The following AARS1 variants were observed in gnomAD, a reference collection of about 807,000 sequenced individuals.
AARS1 encodes alanyl-tRNA synthetase 1.
AARS1 carries 72 observed loss-of-function variants against 108.9 expected under a neutral mutation model. The ratio of observed to expected loss-of-function variants is 0.66; its 90% CI spans 0.55 to 0.80. The LOEUF is 0.80. Among genes scored for constraint, AARS1 ranks in the 30% least tolerant of loss-of-function variants. AARS1 has a pLI of 0.00. For synonymous variants in AARS1, 489 were observed against 465.7 expected (o/e 1.05, Z -0.64); for missense variants, 1,193 against 1,233.2 (o/e 0.97, Z 0.49).
At chr16:70,273,819 C>T (rs1396588387) in intron 4 of AARS1, among the ~76,000 whole-genome samples, 2 of 146,424 alleles carry the variant, frequency 1.4e-5, no homozygotes, top group African/African-American at 2.5e-5. Flanking sequence ...GCCAAGATCG[C>T]GCCACTGCAC....
chr16:70,254,386 C>G (rs1252390167), intron 17 of AARS1: 1 of 593,872 alleles, frequency 1.7e-6, no homozygotes, highest in Non-Finnish European at 3.0e-6. Flanking sequence ...CCCCAGTGCC[C>G]ATACATGCTT....
chr16:70,255,922 G>T, intron 15 of AARS1, 86 bp from the exon 16 acceptor site: 5 of 1,268,320 alleles, frequency 3.9e-6, no homozygotes, highest in Non-Finnish European at 5.6e-6. Context: ...AGAGAAGCAG[G>T]AATGGGTTGA....
intron 10 of AARS1, 199 bp downstream of exon 10, chr16:70,265,339 T>C: frequency 1.0e-6 from 1 of 988,614 alleles, no homozygotes; most frequent in East Asian, 2.5e-5. Context: ...CTGCCCCTAG[T>C]TGTGAAAATC....
chr16:70,288,702 G>A (rs60853195), intron 1 of AARS1, among the ~76,000 whole-genome samples: 4 of 151,788 alleles, frequency 2.6e-5, no homozygotes, highest in Admixed American at 2.6e-4. Context: ...GAGTGGCTGA[G>A]AGTACAGGCG....
At position 70,287,924 on chromosome 16, in the gene AARS1, C is replaced by G. The variant is rs541171486; in HGVS notation, c.-22+1497G>C. Among the ~76,000 whole-genome samples, 3 of 151,438 alleles carry G rather than the reference C, an allele frequency of 2.0e-5. No individual in the cohort carries two copies. In the South Asian group the frequency reaches 6.3e-4, roughly 32 times the overall value. On this transcript the variant is annotated intron_variant, in intron 1 of 20. Coordinates refer to ENST00000261772, the MANE Select transcript of AARS1 (RefSeq NM_001605.3). Reference sequence around the variant, plus strand: ...GGGAATACAGGCATGTGCCACCACACCTAGCTAATTTTGTATTTTTAGTAG... The same window carrying G: ...GGGAATACAGGCATGTGCCACCACAGCTAGCTAATTTTGTATTTTTAGTAG...
intron 1 of AARS1, among the ~76,000 whole-genome samples, chr16:70,284,333 TGGCTCACGCCTG>T (rs1409206288): frequency 6.8e-6 from 1 of 147,758 alleles, no homozygotes; most frequent in Non-Finnish European, 1.5e-5. Context: ...CCGGGCGCGG[TGGCTCACGCCTG>T]TAATCCCAGC....
rs202217812 is a variant in AARS1 at position 70,270,356 on chromosome 16, G to A, written c.672-16C>T. On this transcript the variant is annotated splice_polypyrimidine_tract_variant and intron_variant, in intron 5 of 20. Transcript: ENST00000261772. ...ATCAGCTTCCCTGTATGATCCAGAA[G>A]AAGAGGAGGTTGAAGCAGAGACTCA... The A allele has an allele frequency of 6.2e-7, 1 of 1,614,148 alleles. No homozygotes were observed.
intron 15 of AARS1, 26 bp downstream of exon 15, chr16:70,258,007 C>T: frequency 1.2e-6 from 2 of 1,613,694 alleles, no homozygotes; most frequent in Non-Finnish European, 1.7e-6. Context: ...GATGACCTGT[C>T]TACTCTGCCC....
chr16:70,289,467 C>G lies in AARS1; in HGVS notation c.-68G>C. ...CAGCTCCTCCCTCAGAGTCCCCCGC[C>G]AAGGGCCCGCTGCACCTATTCCCGC... On this transcript the variant is annotated 5_prime_UTR_variant, in exon 1 of 21. Coordinates refer to ENST00000261772, the MANE Select transcript of AARS1 (RefSeq NM_001605.3). 2.3e-6 allele frequency: 1 copy of G among 426,472 alleles called. No homozygotes were observed. The highest frequency in any genetic ancestry group is 1.7e-5 in the South Asian group (1 of 59,476). The allele number at this position is 426,472 out of a possible 1,614,324, so 26.4% of individuals were successfully genotyped here. A position where few individuals can be genotyped will look rare whatever the true frequency, so the allele number is the denominator to read the frequency against.
At chr16:70,285,236 A>G (rs142038964) in intron 1 of AARS1, among the ~76,000 whole-genome samples, 11 of 152,208 alleles carry the variant, frequency 7.2e-5, no homozygotes, top group African/African-American at 1.4e-4. Context: ...CTAAAAAAAA[A>G]AAAAAAGGAA....
intron 1 of AARS1, among the ~76,000 whole-genome samples, chr16:70,287,404 G>A (rs1245448496): frequency 6.6e-6 from 1 of 151,122 alleles, no homozygotes; most frequent in Non-Finnish European, 1.5e-5. Context: ...CTCCAGCCTG[G>A]GTGACAAAGC....
At chr16:70,255,193 C>CTTTTTTTTTTT (rs1567601605) in intron 16 of AARS1, among the ~76,000 whole-genome samples, 2 of 124,738 alleles carry the variant, frequency 1.6e-5, no homozygotes, top group African/African-American at 6.4e-5. Flanking sequence ...GCCAGATTCA[C>CTTTTTTTTTTT]ATTTTTTTTT....
intron 19 of AARS1, 164 bp from the exon 20 acceptor site, chr16:70,253,545 A>C: frequency 9.8e-7 from 1 of 1,025,380 alleles, no homozygotes; most frequent in South Asian, 1.3e-5. Context: ...CCCTGCCCCT[A>C]CCCTGGCCCA....
chr16:70,270,110 T>C (rs1960361564), intron 6 of AARS1, 86 bp downstream of exon 6: 2 of 1,523,362 alleles, frequency 1.3e-6, no homozygotes. Context: ...GCAAAGCATA[T>C]GGTCATTTTT....
intron 4 of AARS1, among the ~76,000 whole-genome samples, chr16:70,273,788 G>A (rs910724334): frequency 3.3e-5 from 5 of 150,566 alleles, no homozygotes; most frequent in African/African-American, 1.2e-4. Context: ...GCATGAACCC[G>A]GGAGGCGGAG....
At chr16:70,273,682 G>A (rs1207330777) in intron 4 of AARS1, among the ~76,000 whole-genome samples, 2 of 151,892 alleles carry the variant, frequency 1.3e-5, no homozygotes, top group Admixed American at 1.3e-4. Flanking sequence ...CTGACACGGT[G>A]AAACCCCGTC....
chr16:70,259,774 AAC>A (rs1246952861), intron 13 of AARS1, among the ~76,000 whole-genome samples: 4 of 149,722 alleles, frequency 2.7e-5, no homozygotes, highest in East Asian at 3.9e-4. Context: ...AATTTTTATA[AAC>A]AGTTTTTTTT....
intron 5 of AARS1, 98 bp from the exon 6 acceptor site, chr16:70,270,438 G>T (rs1047328133): frequency 1.5e-5 from 23 of 1,496,336 alleles, no homozygotes; most frequent in Non-Finnish European, 1.9e-5. Flanking sequence ...CAGTTTGCAG[G>T]CTGTGACCAT....
In AARS1 at chr16:70,252,568, G is replaced by T; in HGVS notation, c.*153C>A. 1.2e-6 allele frequency: 1 copy of T among 800,854 alleles called. No individual in the cohort carries two copies. The highest frequency in any genetic ancestry group is 2.0e-6 in the Non-Finnish European group (1 of 489,576). 49.6% of individuals were successfully genotyped at this position (800,854 alleles called of 1,614,324 possible). ...GAGGGCTCAGGGCAGAAATTTAAGGGGCACTGAGACATAGGACTGCTCCCA... is the reference window on the plus strand; with the variant it reads ...GAGGGCTCAGGGCAGAAATTTAAGGTGCACTGAGACATAGGACTGCTCCCA... On this transcript the variant is annotated 3_prime_UTR_variant, in exon 21 of 21. Transcript: ENST00000261772.
Sources: gnomAD v4.1 joint callset for allele counts (sites outside exome capture counted in the v4.1 genomes callset) on GRCh38, gnomAD v4.1.1 for gene constraint, MANE v1.5 for transcripts, NCBI Gene and HGNC (gene_info 2026-07-23, HGNC 2026-07-21) for gene names.